The following CETP variants were observed in gnomAD, a reference collection of about 807,000 sequenced individuals.
The protein encoded by CETP is BPI fold containing family F.
In CETP, 56 loss-of-function variants were observed where a neutral mutation model predicts 66.5. The observed-to-expected ratio is 0.84, with a 90% confidence interval of 0.68 to 1.05. The LOEUF (loss-of-function observed/expected upper bound fraction) is 1.05. Among genes scored for constraint, CETP ranks in the 50% least tolerant of loss-of-function variants. The pLI is 0.00. For missense variants in CETP, 612 were observed against 609.6 expected, an observed-to-expected ratio of 1.00 and a Z score of -0.04; for synonymous variants, 251 against 245.7, an observed-to-expected ratio of 1.02 and a Z score of -0.20.
rs200855412 is a variant in CETP at position 56,969,692 on chromosome 16, A to G, written c.439+11A>G. 1 of 1,613,584 alleles carries G rather than the reference A, an allele frequency of 6.2e-7. No individual in the cohort carries two copies. Among genetic ancestry groups the G allele is most frequent in the Non-Finnish European group, 8.5e-7 (1 of 1,179,980 alleles). On this transcript the variant is annotated intron_variant, in intron 4 of 15. Transcript: ENST00000200676. Reference sequence around the variant, plus strand: ...TCAACACACAGCTGAGTATGTGTCAAGCGTCCTCTGGGGAAGTGGGAGCTG... The same window carrying G: ...TCAACACACAGCTGAGTATGTGTCAGGCGTCCTCTGGGGAAGTGGGAGCTG...
At chr16:56,967,363 C>CA (rs1235736181) in intron 2 of CETP, among the ~76,000 whole-genome samples, 10 of 94,624 alleles carry the variant, frequency 1.1e-4, no homozygotes, top group Admixed American at 2.3e-4. Context: ...AACAAACAAA[C>CA]AAAAAAAACG....
intron 2 of CETP, among the ~76,000 whole-genome samples, chr16:56,967,564 A>G (rs1479891017): frequency 1.1e-4 from 17 of 150,364 alleles, no homozygotes; most frequent in Admixed American, 1.1e-3. Context: ...CTGAGGCAGG[A>G]GAATCACTTG....
chr16:56,983,485 G>A (rs2056203257), intron 15 of CETP, 74 bp downstream of exon 15: 2 of 1,596,590 alleles, frequency 1.3e-6, no homozygotes, highest in East Asian at 4.5e-5. Flanking sequence ...GGGGTGACTG[G>A]GGGCTGTTGG....
At chr16:56,979,517 A>AT (rs34279747) in intron 11 of CETP, among the ~76,000 whole-genome samples, 5,281 of 150,400 alleles carry the variant, frequency 0.035, 222 homozygotes, top group East Asian at 0.13. Flanking sequence ...AATATCTTCA[A>AT]TTTTTTTTTT....
Position 56,963,018 on chromosome 16 carries a change from G to T in CETP, c.127G>T (p.Glu43Ter). The T allele has an allele frequency of 6.2e-7, 1 of 1,614,044 alleles. No homozygotes were observed. Among genetic ancestry groups the T allele is most frequent in the African/African-American group, 1.3e-5 (1 of 75,044 alleles). The change falls in exon 2 of 16, where the codon GAG becomes TAG. Residue 43 changes from glutamate to a stop codon, truncating the protein, a stop_gained. Transcript: ENST00000200676. LOFTEE classifies it high-confidence loss of function. ...ACTGCCCTCCCCTCTAGTGAACCAC[G>T]AGACTGCCAAGGTGATCCAGACCGC... ...TKPALLVLNH[E>*]TAKVIQTAFQ...
At chr16:56,966,463 G>T (rs1377939432) in intron 2 of CETP, among the ~76,000 whole-genome samples, 2 of 152,306 alleles carry the variant, frequency 1.3e-5, no homozygotes, top group African/African-American at 4.8e-5. Context: ...CCTTCTCACA[G>T]TGAGAGCCGG....
At position 56,973,436 on chromosome 16, in the gene CETP, G is replaced by C; in HGVS notation, c.856G>C (p.Val286Leu). ...RMLYFWFSER[V>L]FHSLAKVAFQ... ...GCTGTACTTCTGGTTCTCTGAGCGA[G>C]TCTTCCACTCGCTGGCCAAGGTAGC... The change falls in exon 9 of 16, where the codon GTC becomes CTC. Residue 286 changes from valine to leucine, a missense_variant. Physicochemically the swap from Val to Leu is conservative, Grantham distance 32. Transcript: ENST00000200676. The C allele has an allele frequency of 6.2e-7, 1 of 1,614,208 alleles. No individual in the cohort carries two copies. Among genetic ancestry groups the C allele is most frequent in the Non-Finnish European group, 8.5e-7 (1 of 1,180,050 alleles).
chr16:56,977,288 T>G (rs1276088571), intron 10 of CETP, among the ~76,000 whole-genome samples: 2 of 152,176 alleles, frequency 1.3e-5, no homozygotes. Context: ...AGTGGTTTCT[T>G]GGGGCATGTG....
chr16:56,970,001 A>G lies in CETP; in HGVS notation c.527A>G (p.Glu176Gly), dbSNP rs758622494. The G allele has an allele frequency of 4.3e-6, 7 of 1,613,216 alleles. No homozygotes were observed. Among genetic ancestry groups the G allele is most frequent in the Non-Finnish European group, 5.1e-6 (6 of 1,179,690 alleles). Residue 176 changes from glutamate to glycine, a missense_variant and splice_region_variant, in exon 5 of 16, where the codon GAG (glutamate) becomes GGG (glycine). Coordinates refer to ENST00000200676, the MANE Select transcript of CETP (RefSeq NM_000078.3). ...KLLLHLQGER[E>G]PGWIKQLFTN... The stretch of plus-strand genomic sequence containing the variant: ...CTCCTGCATCTCCAAGGGGAGCGAG[A>G]GTAAGTACACCACCCTGTGGCCCCC...
intron 11 of CETP, among the ~76,000 whole-genome samples, chr16:56,978,900 A>C (rs1220224153): frequency 6.6e-6 from 1 of 152,154 alleles, no homozygotes; most frequent in East Asian, 1.9e-4. Flanking sequence ...ATCTCGGCTC[A>C]CTACAACCTC....
intron 2 of CETP, among the ~76,000 whole-genome samples, chr16:56,965,841 G>T (rs575782466): frequency 1.3e-5 from 2 of 148,414 alleles, no homozygotes; most frequent in Non-Finnish European, 3.0e-5. Flanking sequence ...TCTTCACTGA[G>T]CCCCACCTCT....
chr16:56,963,041 C>G lies in CETP; in HGVS notation c.150C>G (p.Thr50=). Residue 50 remains threonine (T), a synonymous_variant, in exon 2 of 16, where the codon ACC becomes ACG. Transcript: ENST00000200676. ...ACGAGACTGCCAAGGTGATCCAGAC[C>G]GCCTTCCAGCGAGCCAGCTACCCAG... The part of the protein sequence containing the change: ...LNHETAKVIQ[T]AFQRASYPDI... 1 of 1,614,166 alleles carries G rather than the reference C, an allele frequency of 6.2e-7. No individual in the cohort carries two copies.
chr16:56,964,546 G>A (rs1210328098), intron 2 of CETP, among the ~76,000 whole-genome samples: 1 of 152,110 alleles, frequency 6.6e-6, no homozygotes, highest in Non-Finnish European at 1.5e-5. Flanking sequence ...GTCGGTCTGA[G>A]GCCCCAAGGG....
Position 56,976,422 on chromosome 16 carries a change from T to C in CETP, c.981+1271T>C, listed in dbSNP as rs188472341. On this transcript the variant is annotated intron_variant, in intron 10 of 15. Coordinates refer to ENST00000200676, the MANE Select transcript of CETP (RefSeq NM_000078.3). ...ACCCAGCGTAATTGTAACTGTTTAG[T>C]TGAAAGTTGACGAGGTCTTTTGTCA... is the stretch of plus-strand genomic sequence containing the variant. Among the ~76,000 whole-genome samples, 368 of 152,324 alleles carry C rather than the reference T, an allele frequency of 2.4e-3. 1 individual carries two copies. The highest frequency in any genetic ancestry group is 0.02 in the Middle Eastern group (6 of 294).
intron 1 of CETP, 43 bp downstream of exon 1, chr16:56,962,140 A>T (rs1186642971): frequency 6.6e-7 from 1 of 1,513,914 alleles, no homozygotes; most frequent in African/African-American, 1.4e-5. Flanking sequence ...GGGTCTTTTC[A>T]TGGACACCCA....
chr16:56,973,141 A>G lies in CETP; in HGVS notation c.751-190A>G, dbSNP rs573864685. ...GTTCACTTCCCACGGTGGTTGAGAC[A>G]TAGTGGGCACTCCGGAAGTATTTGT... On this transcript the variant is annotated intron_variant, in intron 8 of 15. Transcript: ENST00000200676. Among the ~76,000 whole-genome samples, 16 of 152,346 alleles carry G rather than the reference A, an allele frequency of 1.1e-4. No homozygotes were observed. In the South Asian group the frequency reaches 3.1e-3, roughly 30 times the overall value.
chr16:56,982,711 G>A (rs1471279661), intron 14 of CETP, among the ~76,000 whole-genome samples: 3 of 152,172 alleles, frequency 2.0e-5, no homozygotes, highest in South Asian at 2.1e-4. Flanking sequence ...CATAGCACAC[G>A]TGTGCTGGGG....
Position 56,973,521 on chromosome 16 carries a change from G to A in CETP, c.930+11G>A. The A allele has an allele frequency of 6.2e-7, 1 of 1,614,028 alleles. No individual in the cohort carries two copies. Among genetic ancestry groups the A allele is most frequent in the Non-Finnish European group, 8.5e-7 (1 of 1,179,954 alleles). On this transcript the variant is annotated intron_variant, in intron 9 of 15. Transcript: ENST00000200676. ...GGAGACGAGTTCAAGGTGAGTGGGT[G>A]GGGCTGGGCTGCTAGGGGATCCAGA...
chr16:56,977,813 G>C (rs935255412), intron 10 of CETP, among the ~76,000 whole-genome samples: 9 of 152,154 alleles, frequency 5.9e-5, no homozygotes, highest in Admixed American at 3.3e-4. Flanking sequence ...GATGAGGAAA[G>C]TGAGGCCCAG....
Sources: gnomAD v4.1 joint callset for allele counts (sites outside exome capture counted in the v4.1 genomes callset) on GRCh38, gnomAD v4.1.1 for gene constraint, MANE v1.5 for transcripts, NCBI Gene and HGNC (gene_info 2026-07-23, HGNC 2026-07-21) for gene names.